CUX1: variants seen among roughly 807,000 people sequenced by gnomAD.
CUX1 encodes the protein cut like homeobox 1.
A neutral mutation model predicts 158.8 loss-of-function variants in CUX1; 31 were observed. The ratio of observed to expected loss-of-function variants is 0.20; its 90% CI spans 0.15 to 0.26. CUX1 has a LOEUF of 0.26. Ranked by LOEUF, CUX1 falls within the 10% of genes least tolerant of loss-of-function variation. The pLI is 1.00. For synonymous variants in CUX1, 879 were observed against 862.1 expected, an observed-to-expected ratio of 1.02 and a Z score of -0.34; for missense variants, 1,589 against 2,014.6, an observed-to-expected ratio of 0.79 and a Z score of 4.04.
At chr7:102,003,083 G>A (rs559528781) in intron 2 of CUX1, among the ~76,000 whole-genome samples, 81 of 151,964 alleles carry the variant, frequency 5.3e-4, no homozygotes, top group South Asian at 1.9e-3. Flanking sequence ...TGTATTTTTA[G>A]TAGAGACAGG....
At chr7:102,258,247 G>GT (rs1409634745), downstream of CUX1, 1 of 945,698 alleles carries the variant, frequency 1.1e-6, no homozygotes, top group African/African-American at 1.8e-5. Context: ...TGTGTGGGTT[G>GT]TTTTTATTTA....
chr7:102,118,953 T>C (rs373912497), intron 8 of CUX1, among the ~76,000 whole-genome samples: 117 of 152,264 alleles, frequency 7.7e-4, no homozygotes, highest in African/African-American at 2.7e-3. Context: ...GGTTTCACCA[T>C]GTTAGCCAGG....
At chr7:102,233,475 C>T (rs782268825) in intron 21 of CUX1, among the ~76,000 whole-genome samples, 3 of 152,150 alleles carry the variant, frequency 2.0e-5, no homozygotes, top group African/African-American at 4.8e-5. Context: ...GGCCACCGCA[C>T]CAGGCTGAAG....
chr7:101,914,394 C>G (rs1286595681), intron 1 of CUX1, among the ~76,000 whole-genome samples: 1 of 120,584 alleles, frequency 8.3e-6, no homozygotes, highest in Non-Finnish European at 1.8e-5. Flanking sequence ...CTCCCTCCCT[C>G]TTTCCCTCCC....
At chr7:102,025,168 A>C (rs1172127478) in intron 2 of CUX1, among the ~76,000 whole-genome samples, 1 of 152,202 alleles carries the variant, frequency 6.6e-6, no homozygotes, top group Non-Finnish European at 1.5e-5. Context: ...GCCCACCTGG[A>C]TAATCCAGGG....
intron 4 of CUX1, among the ~76,000 whole-genome samples, chr7:102,089,191 G>A (rs1408284695): frequency 6.6e-6 from 1 of 151,874 alleles, no homozygotes; most frequent in African/African-American, 2.4e-5. Context: ...GATTCTTTAT[G>A]TTTTCTGTTC....
In CUX1 at chr7:102,256,295, T is replaced by C. The variant is rs1554541989; in HGVS notation, c.*7253T>C. Reference sequence around the variant, plus strand: ...CTGCCGGCGTGCGTGAGGGTGATTATAAAAGGATGTTTCCTTGAGAAAAAA... The same window carrying C: ...CTGCCGGCGTGCGTGAGGGTGATTACAAAAGGATGTTTCCTTGAGAAAAAA... On this transcript the variant is annotated 3_prime_UTR_variant, in exon 24 of 24. Transcript: ENST00000292535. 2 of 985,366 alleles carry C rather than the reference T, an allele frequency of 2.0e-6. No homozygotes were observed. Among genetic ancestry groups the C allele is most frequent in the African/African-American group, 1.7e-5 (1 of 57,252 alleles). 61.0% of individuals were successfully genotyped at this position (985,366 alleles called of 1,614,324 possible).
chr7:102,217,223 A>G (rs1383598507), intron 20 of CUX1, among the ~76,000 whole-genome samples: 1 of 152,196 alleles, frequency 6.6e-6, no homozygotes, highest in African/African-American at 2.4e-5. Context: ...CACTACCAAA[A>G]TCGAATTGTA....
chr7:102,097,941 C>T (rs77685494), intron 5 of CUX1, among the ~76,000 whole-genome samples: 1 of 152,316 alleles, frequency 6.6e-6, no homozygotes, highest in African/African-American at 2.4e-5. Context: ...GCTTAAGCCC[C>T]GCTGTTGCCT....
intron 20 of CUX1, among the ~76,000 whole-genome samples, chr7:102,217,595 G>A: frequency 6.6e-6 from 1 of 152,228 alleles, no homozygotes; most frequent in South Asian, 2.1e-4. Context: ...TGTCTAGAGG[G>A]AGGGAGGCTC....
chr7:101,825,798 TGC>T (rs72447961), intron 1 of CUX1, among the ~76,000 whole-genome samples: 10,045 of 77,552 alleles, frequency 0.13, 392 homozygotes, highest in Non-Finnish European at 0.14. Flanking sequence ...TGTGTGTGTG[TGC>T]GCGCGCGCGC....
At chr7:101,850,803 T>C (rs1384537454) in intron 1 of CUX1, among the ~76,000 whole-genome samples, 1 of 152,194 alleles carries the variant, frequency 6.6e-6, no homozygotes, top group Non-Finnish European at 1.5e-5. Flanking sequence ...AAAGGCTGCC[T>C]ACGCCTCTCT....
At chr7:102,067,269 T>C (rs1825651967) in intron 3 of CUX1, among the ~76,000 whole-genome samples, 1 of 139,744 alleles carries the variant, frequency 7.2e-6, no homozygotes, top group African/African-American at 2.7e-5. Flanking sequence ...AGTCTTGCTC[T>C]GTTGCCAGGC....
intron 1 of CUX1, among the ~76,000 whole-genome samples, chr7:101,887,842 C>CCTTTTTTTTTTT (rs1562966470): frequency 7.4e-6 from 1 of 135,034 alleles, no homozygotes; most frequent in African/African-American, 2.7e-5. Context: ...ATGACGGTGA[C>CCTTTTTTTTTTT]ATTTTTTTTT....
At chr7:101,917,583 T>C (rs948763007) in intron 2 of CUX1, among the ~76,000 whole-genome samples, 15 of 152,054 alleles carry the variant, frequency 9.9e-5, no homozygotes, top group Admixed American at 6.6e-5. Context: ...AGCCTTGCCA[T>C]GAGTAAAAAC....
At chr7:101,861,103 T>C (rs1201599571) in intron 1 of CUX1, among the ~76,000 whole-genome samples, 2 of 152,182 alleles carry the variant, frequency 1.3e-5, no homozygotes, top group East Asian at 3.9e-4. Flanking sequence ...TTTTTGTCTC[T>C]AGAAATCTGC....
chr7:101,972,754 G>T (rs528797032), intron 2 of CUX1, among the ~76,000 whole-genome samples: 1 of 152,320 alleles, frequency 6.6e-6, no homozygotes, highest in South Asian at 2.1e-4. Context: ...ATGGTGGGTG[G>T]GAAGAGAGGC....
intron 21 of CUX1, among the ~76,000 whole-genome samples, chr7:102,230,224 C>T: frequency 6.6e-6 from 1 of 152,030 alleles, no homozygotes; most frequent in East Asian, 1.9e-4. Flanking sequence ...GCCTGTAACC[C>T]TAGCACTTTG....
At chr7:102,164,390 A>G (rs939925478) in intron 9 of CUX1, among the ~76,000 whole-genome samples, 1 of 152,240 alleles carries the variant, frequency 6.6e-6, no homozygotes, top group Non-Finnish European at 1.5e-5. Flanking sequence ...GATGTATTGA[A>G]TGAATATGGG....
Sources: gnomAD v4.1 joint callset for allele counts (sites outside exome capture counted in the v4.1 genomes callset) on GRCh38, gnomAD v4.1.1 for gene constraint, MANE v1.5 for transcripts, NCBI Gene and HGNC (gene_info 2026-07-23, HGNC 2026-07-21) for gene names.